Variants in CTAGE1 observed in about 807,000 individuals in gnomAD.
The protein encoded by CTAGE1 is cutaneous T cell lymphoma-associated antigen 1, also known as cTAGE family member 2.
For missense variants in CTAGE1, 963 were observed against 855.9 expected (o/e 1.13, Z -1.56); for synonymous variants, 332 against 302.8 (o/e 1.10, Z -1.00).
In CTAGE1 at chr18:22,414,630, C is replaced by A. The variant is rs910652846; in HGVS notation, c.*944G>T. ...CAAATTCACCAACTGCAATTAAGCA[C>A]TATCTTAGATTTACTCCTTCCCCTT... On this transcript the variant is annotated 3_prime_UTR_variant, in exon 1 of 1. Transcript: ENST00000391403. 4.3e-6 allele frequency: 3 copies of A among 694,756 alleles called. No individual in the cohort carries two copies. The highest frequency in any genetic ancestry group is 2.1e-5 in the Admixed American group (1 of 48,252). The allele number at this position is 694,756 out of a possible 1,614,324, so 43.0% of individuals were successfully genotyped here.
In CTAGE1 at chr18:22,413,946, C is replaced by T. The variant is rs568546928; in HGVS notation, c.*1628G>A. 1 of 152,238 alleles carries T rather than the reference C, an allele frequency of 6.6e-6. No individual in the cohort carries two copies. The highest frequency in any genetic ancestry group is 1.5e-5 in the Non-Finnish European group (1 of 68,008). The allele number at this position is 152,238 out of a possible 1,614,324, so 9.4% of individuals were successfully genotyped here. On this transcript the variant is annotated 3_prime_UTR_variant, in exon 1 of 1. Coordinates refer to ENST00000391403, the MANE Select transcript of CTAGE1 (RefSeq NM_172241.3). Reference sequence around the variant, plus strand: ...CAAGACTGTGGAAATGGATGCCTGGCTCAATATAAAATTCCTCTAGAAAGA... The same window carrying T: ...CAAGACTGTGGAAATGGATGCCTGGTTCAATATAAAATTCCTCTAGAAAGA...
chr18:22,416,486 G>T lies in CTAGE1; in HGVS notation c.1326C>A (p.Asn442Lys). The T allele has an allele frequency of 3.7e-6, 6 of 1,613,996 alleles. No individual in the cohort carries two copies. Among genetic ancestry groups the T allele is most frequent in the Non-Finnish European group, 5.1e-6 (6 of 1,179,998 alleles). The change falls in exon 1 of 1, where the codon AAC becomes AAA. Residue 442 changes from asparagine to lysine, a missense_variant. Asn to Lys is a moderately conservative substitution (Grantham distance 94, BLOSUM62 0). Transcript: ENST00000391403. ...NWSAAWTAER[N>K]LNDLRKENAH... is the part of the protein sequence containing the mutation. ...CATTTTCTTTCCTTAAATCATTGAG[G>T]TTTCTTTCAGCAGTCCAAGCTGCCG...
chr18:22,416,632 C>A lies in CTAGE1; in HGVS notation c.1180G>T (p.Ala394Ser), dbSNP rs748233631. Residue 394 changes from alanine to serine, a missense_variant, in exon 1 of 1, where the codon GCC becomes TCC. Transcript: ENST00000391403. ...CGGTAGGTCTCCAGCTCTTCAGTGG[C>A]ATGGCTGATCATTTCGTCTACTTTA... Reference protein sequence around the residue: ...LSKVDEMISHATEELETYRKR... With the variant: ...LSKVDEMISHSTEELETYRKR... The A allele has an allele frequency of 2.5e-6, 4 of 1,613,796 alleles. No individual in the cohort carries two copies. Among genetic ancestry groups the A allele is most frequent in the Non-Finnish European group, 3.4e-6 (4 of 1,179,950 alleles).
rs1196241165 is a variant in CTAGE1 at position 22,416,870 on chromosome 18, A to C, written c.942T>G (p.Asp314Glu). Residue 314 changes from aspartate to glutamate, a missense_variant, in exon 1 of 1, where the codon GAT becomes GAG. Physicochemically the swap from Asp to Glu is conservative, Grantham distance 45. Transcript: ENST00000391403. ...GCTCTGTAAGCTCTTCCTTTGTTTTATCAACTTCAGATAATTGAATATAAA... is the reference window on the plus strand; with the variant it reads ...GCTCTGTAAGCTCTTCCTTTGTTTTCTCAACTTCAGATAATTGAATATAAA... ...NQIYIQLSEV[D>E]KTKEELTEHI... The C allele has an allele frequency of 1.2e-6, 2 of 1,613,514 alleles. No individual in the cohort carries two copies. The highest frequency in any genetic ancestry group is 1.7e-5 in the Admixed American group (1 of 59,996).
rs1169771779 is a variant in CTAGE1 at position 22,415,731 on chromosome 18, C to T, written c.2081G>A (p.Gly694Glu). Residue 694 changes from glycine to glutamate, a missense_variant, in exon 1 of 1, where the codon GGA becomes GAA. Physicochemically the swap from Gly to Glu is moderately conservative, Grantham distance 98. Transcript: ENST00000391403. ...ATCTGGAGAAGCTCCAAACACGGTTCCTGGAGGAGGTGGGGGGAAAGGAGG... is the reference window on the plus strand; with the variant it reads ...ATCTGGAGAAGCTCCAAACACGGTTTCTGGAGGAGGTGGGGGGAAAGGAGG... ...RGPPFPPPPP[G>E]TVFGASPDYF... 1.9e-6 allele frequency: 3 copies of T among 1,613,978 alleles called. No individual in the cohort carries two copies. Among genetic ancestry groups the T allele is most frequent in the Non-Finnish European group, 2.5e-6 (3 of 1,179,960 alleles).
At position 22,416,785 on chromosome 18, in the gene CTAGE1, T is replaced by G. The variant is rs368467764; in HGVS notation, c.1027A>C (p.Ser343Arg). The change falls in exon 1 of 1, where the codon AGT (serine) becomes CGT (arginine). Residue 343 changes from serine (S) to arginine (R), a missense_variant. Ser to Arg is a moderately radical substitution (Grantham distance 110). Coordinates refer to ENST00000391403, the MANE Select transcript of CTAGE1 (RefSeq NM_172241.3). ...TTCTGCTGAAGCTTCTGATTCTCAC[T>G]TTCAAAATGTGTGTTTTCTGACTGC... Reference protein sequence around the residue: ...SLQSENTHFESENQKLQQKLK... With the variant: ...SLQSENTHFERENQKLQQKLK... The G allele has an allele frequency of 1.2e-6, 2 of 1,612,484 alleles. No individual in the cohort carries two copies. Among genetic ancestry groups the G allele is most frequent in the Non-Finnish European group, 1.7e-6 (2 of 1,179,802 alleles).
In CTAGE1 at chr18:22,414,874, G is replaced by A. The variant is rs1421941112; in HGVS notation, c.*700C>T. 8 of 690,498 alleles carry A rather than the reference G, an allele frequency of 1.2e-5. No individual in the cohort carries two copies. The highest frequency in any genetic ancestry group is 1.0e-5 in the Non-Finnish European group (4 of 381,190). The allele number at this position is 690,498 out of a possible 1,614,324, so 42.8% of individuals were successfully genotyped here. ...AAACATAGGAAGAAATTAGCTTAGG[G>A]AAGACGAAGGGAAGGAAAGGGAGGG... On this transcript the variant is annotated 3_prime_UTR_variant, in exon 1 of 1. Transcript: ENST00000391403.
At position 22,417,627 on chromosome 18, in the gene CTAGE1, A is replaced by G. The variant is rs2035033191; in HGVS notation, c.185T>C (p.Leu62Pro). 2.2e-5 allele frequency: 35 copies of G among 1,614,008 alleles called. No individual in the cohort carries two copies. The highest frequency in any genetic ancestry group is 2.9e-5 in the Non-Finnish European group (34 of 1,179,876). Residue 62 changes from leucine to proline, a missense_variant, in exon 1 of 1, where the codon CTA becomes CCA. By Grantham distance (98) the Leu-to-Pro change is moderately conservative. Transcript: ENST00000391403. ...TTGAACAAGGCTAAATTTTTCAAGT[A>G]GTTTACATTTTTCTTCAATTAGTCC... ...LSGLIEEKCK[L>P]LEKFSLVQKE...
rs1278651525 is a variant in CTAGE1, at chr18:22,414,990, A to G, written c.*584T>C. ...TCTCAAAGTACTGAAAGAGGATATA[A>G]AATCTATAAGACAGGAGATCCAAGA... On this transcript the variant is annotated 3_prime_UTR_variant, in exon 1 of 1. Coordinates refer to ENST00000391403, the MANE Select transcript of CTAGE1 (RefSeq NM_172241.3). 5.1e-6 allele frequency: 3 copies of G among 591,108 alleles called. No homozygotes were observed. Among genetic ancestry groups the G allele is most frequent in the African/African-American group, 1.9e-5 (1 of 53,704 alleles). The allele number at this position is 591,108 out of a possible 1,614,324, so 36.6% of individuals were successfully genotyped here.
In CTAGE1 at chr18:22,414,856, G is replaced by A; in HGVS notation, c.*718C>T. Reference sequence around the variant, plus strand: ...ATGTAATGATATGATGACAAACATAGGAAGAAATTAGCTTAGGGAAGACGA... The same window carrying A: ...ATGTAATGATATGATGACAAACATAAGAAGAAATTAGCTTAGGGAAGACGA... On this transcript the variant is annotated 3_prime_UTR_variant, in exon 1 of 1. Coordinates refer to ENST00000391403, the MANE Select transcript of CTAGE1 (RefSeq NM_172241.3). 1 of 697,936 alleles carries A rather than the reference G, an allele frequency of 1.4e-6. No individual in the cohort carries two copies. The highest frequency in any genetic ancestry group is 2.6e-6 in the Non-Finnish European group (1 of 383,858). 43.2% of individuals were successfully genotyped at this position (697,936 alleles called of 1,614,324 possible). A position where few individuals can be genotyped will look rare whatever the true frequency, so the allele number is the denominator to read the frequency against.
At position 22,417,147 on chromosome 18, in the gene CTAGE1, T is replaced by G. The variant is rs771603655; in HGVS notation, c.665A>C (p.His222Pro). 34 of 1,613,960 alleles carry G rather than the reference T, an allele frequency of 2.1e-5. No homozygotes were observed. Among genetic ancestry groups the G allele is most frequent in the Non-Finnish European group, 2.7e-5 (32 of 1,179,842 alleles). ...QKRTFEDSKVHAEQVLNDKEN... is the reference protein window; with the variant it reads ...QKRTFEDSKVPAEQVLNDKEN... ...TTTATCATTTAGAACTTGTTCTGCATGTACTTTGGAGTCTTCAAATGTTCT... is the reference window on the plus strand; with the variant it reads ...TTTATCATTTAGAACTTGTTCTGCAGGTACTTTGGAGTCTTCAAATGTTCT... Residue 222 changes from histidine (H) to proline (P), a missense_variant, in exon 1 of 1, where the codon CAT becomes CCT. Coordinates refer to ENST00000391403, the MANE Select transcript of CTAGE1 (RefSeq NM_172241.3).
Position 22,417,703 on chromosome 18 carries a change from T to C in CTAGE1, c.109A>G (p.Thr37Ala), listed in dbSNP as rs2035034000. Reference sequence around the variant, plus strand: ...TCTCTTCTCACATAAAGCCGACTCGTAACTGATCTAAAACTTCTCCACAAG... The same window carrying C: ...TCTCTTCTCACATAAAGCCGACTCGCAACTGATCTAAAACTTCTCCACAAG... ...LFLWRSFRSV[T>A]SRLYVRREKK... The change falls in exon 1 of 1, where the codon ACG becomes GCG. Residue 37 changes from threonine (T) to alanine (A), a missense_variant. By Grantham distance (58) the Thr-to-Ala change is moderately conservative. Coordinates refer to ENST00000391403, the MANE Select transcript of CTAGE1 (RefSeq NM_172241.3). 4.3e-6 allele frequency: 7 copies of C among 1,614,156 alleles called. No homozygotes were observed. Among genetic ancestry groups the C allele is most frequent in the Non-Finnish European group, 5.9e-6 (7 of 1,179,986 alleles).
In CTAGE1 at chr18:22,416,332, C is replaced by G. The variant is rs766796791; in HGVS notation, c.1480G>C (p.Gly494Arg). 1 of 1,613,938 alleles carries G rather than the reference C, an allele frequency of 6.2e-7. No individual in the cohort carries two copies. ...QHSPYGPSPL[G>R]WPSSETRASL... is the part of the protein sequence containing the mutation. ...GCTCTCGTTTCAGATGAAGGCCAAC[C>G]CAATGGTGAGGGACCATATGGGGAA... The change falls in exon 1 of 1, where the codon GGT becomes CGT. Residue 494 changes from glycine to arginine, a missense_variant. Gly to Arg is a moderately radical substitution (Grantham distance 125). Transcript: ENST00000391403.
Position 22,415,729 on chromosome 18 carries a change from T to C in CTAGE1, c.2083A>G (p.Thr695Ala). ...TAATCTGGAGAAGCTCCAAACACGG[T>C]TCCTGGAGGAGGTGGGGGGAAAGGA... ...GPPFPPPPPGTVFGASPDYFS... is the reference protein window; with the variant it reads ...GPPFPPPPPGAVFGASPDYFS... The change falls in exon 1 of 1, where the codon ACC (threonine) becomes GCC (alanine). Residue 695 changes from threonine (T) to alanine (A), a missense_variant. Coordinates refer to ENST00000391403, the MANE Select transcript of CTAGE1 (RefSeq NM_172241.3). 2 of 1,614,060 alleles carry C rather than the reference T, an allele frequency of 1.2e-6. No individual in the cohort carries two copies. The highest frequency in any genetic ancestry group is 8.5e-7 in the Non-Finnish European group (1 of 1,179,966).
Position 22,417,880 on chromosome 18 carries a change from T to G in CTAGE1, c.-69A>C, listed in dbSNP as rs995194309. 1 of 1,504,980 alleles carries G rather than the reference T, an allele frequency of 6.6e-7. No individual in the cohort carries two copies. The highest frequency in any genetic ancestry group is 1.8e-4 in the Middle Eastern group (1 of 5,578). The allele number at this position is 1,504,980 out of a possible 1,614,324, so 93.2% of individuals were successfully genotyped here. ...ACCAGCCCCAGGTATGGCTGAGGGT[T>G]AGCCCTAGGCTCCTCCGTAGCGCCA... is the stretch of plus-strand genomic sequence containing the variant. On this transcript the variant is annotated 5_prime_UTR_variant, in exon 1 of 1. Coordinates refer to ENST00000391403, the MANE Select transcript of CTAGE1 (RefSeq NM_172241.3).
Position 22,416,668 on chromosome 18 carries a change from C to T in CTAGE1, c.1144G>A (p.Glu382Lys), listed in dbSNP as rs1363868902. The T allele has an allele frequency of 6.2e-7, 1 of 1,613,928 alleles. No homozygotes were observed. Among genetic ancestry groups the T allele is most frequent in the East Asian group, 2.2e-5 (1 of 44,874 alleles). ...VEEKCRLEKE[E>K]KLSKVDEMIS... ...ATTTCGTCTACTTTAGAAAGTTTCT[C>T]TTCTTTCTCTAACCGGCATTTTTCC... The change falls in exon 1 of 1, where the codon GAG becomes AAG. Residue 382 changes from glutamate (E) to lysine (K), a missense_variant. Transcript: ENST00000391403.
Position 22,415,957 on chromosome 18 carries a change from T to C in CTAGE1, c.1855A>G (p.Lys619Glu), listed in dbSNP as rs571595714. ...TCTGAAGGCATTGACCCATCCATTT[T>C]ATCCAAAGAAGGCATATTAAAACTT... The part of the protein sequence containing the change: ...LRSFNMPSLD[K>E]MDGSMPSEME... The change falls in exon 1 of 1, where the codon AAA becomes GAA. Residue 619 changes from lysine to glutamate, a missense_variant. Lys to Glu is a moderately conservative substitution (Grantham distance 56). Coordinates refer to ENST00000391403, the MANE Select transcript of CTAGE1 (RefSeq NM_172241.3). 8 of 1,613,984 alleles carry C rather than the reference T, an allele frequency of 5.0e-6. No individual in the cohort carries two copies. The Admixed American group carries it at 6.7e-5, about 13-fold the overall frequency.
Position 22,415,477 on chromosome 18 carries a change from G to A in CTAGE1, c.*97C>T, listed in dbSNP as rs992845521. On this transcript the variant is annotated 3_prime_UTR_variant, in exon 1 of 1. Transcript: ENST00000391403. ...ATCAGTCAAAATTACTTTTGAAGAG[G>A]GCAAACATGTTGTTAGGTTTCTTGC... 2.9e-6 allele frequency: 3 copies of A among 1,040,752 alleles called. No individual in the cohort carries two copies. Among genetic ancestry groups the A allele is most frequent in the Admixed American group, 4.6e-5 (2 of 43,046 alleles). 64.5% of individuals were successfully genotyped at this position (1,040,752 alleles called of 1,614,324 possible).
In CTAGE1 at chr18:22,417,230, C is replaced by G; in HGVS notation, c.582G>C (p.Gln194His). The G allele has an allele frequency of 6.2e-7, 1 of 1,613,950 alleles. No individual in the cohort carries two copies. The highest frequency in any genetic ancestry group is 1.3e-5 in the African/African-American group (1 of 75,054). ...TCCATACTTCAGCTTCTTGCAAAAG[C>G]TGTTTCTGGCTTTCCTGAAGTTCAG... The part of the protein sequence containing the change: ...ENSELQESQK[Q>H]LLQEAEVWKE... Residue 194 changes from glutamine (Q) to histidine (H), a missense_variant, in exon 1 of 1, where the codon CAG becomes CAC. Transcript: ENST00000391403.
Sources: allele counts gnomAD v4.1 joint callset, GRCh38; gene constraint gnomAD v4.1.1; transcripts MANE v1.5; gene names NCBI Gene and HGNC (gene_info 2026-07-23, HGNC 2026-07-21).